The following KCNN2 variants were observed in gnomAD, a reference collection of about 807,000 sequenced individuals.
The protein encoded by KCNN2 is small conductance calcium-activated potassium channel protein 2.
In KCNN2, 24 loss-of-function variants were observed where a neutral mutation model predicts 55.5. The ratio of observed to expected loss-of-function variants is 0.43; its 90% confidence interval spans 0.31 to 0.61. KCNN2 has a LOEUF of 0.61. Among genes scored for constraint, KCNN2 ranks in the 20% least tolerant of loss-of-function variants. The pLI is 0.08. For missense variants in KCNN2, 754 were observed against 853.6 expected, an observed-to-expected ratio of 0.88 and a Z score of 1.45; for synonymous variants, 431 against 336.1, an observed-to-expected ratio of 1.28 and a Z score of -3.09.
At chr5:114,206,822 A>G (rs948266390) in intron 1 of KCNN2, among the ~76,000 whole-genome samples, 20 of 151,350 alleles carry the variant, frequency 1.3e-4, no homozygotes, top group African/African-American at 4.9e-4. Context: ...TCAAGTATTT[A>G]CAAAGGTCTA....
chr5:114,149,066 G>A (rs539597308), intron 1 of KCNN2, among the ~76,000 whole-genome samples: 53 of 152,164 alleles, frequency 3.5e-4, no homozygotes, highest in Non-Finnish European at 5.4e-4. Flanking sequence ...GGGAACCAAG[G>A]ACAATATTTT....
At chr5:114,290,152 T>C (rs1025834253) in intron 2 of KCNN2, among the ~76,000 whole-genome samples, 3 of 152,198 alleles carry the variant, frequency 2.0e-5, no homozygotes, top group Non-Finnish European at 4.4e-5. Context: ...TCTTATTCTG[T>C]TAATTTGGAA....
chr5:114,452,107 G>T (rs1272249437), intron 3 of KCNN2, among the ~76,000 whole-genome samples: 2 of 152,010 alleles, frequency 1.3e-5, no homozygotes, highest in Non-Finnish European at 2.9e-5. Context: ...TGCAAGGAGG[G>T]GACTATGAGA....
chr5:114,473,796 A>C (rs963536345), intron 5 of KCNN2, among the ~76,000 whole-genome samples: 4 of 152,300 alleles, frequency 2.6e-5, no homozygotes, highest in African/African-American at 9.6e-5. Context: ...CTTCATCCTC[A>C]TAACAGCGTT....
At chr5:114,144,536 G>C (rs568420965) in intron 1 of KCNN2, among the ~76,000 whole-genome samples, 1 of 152,082 alleles carries the variant, frequency 6.6e-6, no homozygotes, top group African/African-American at 2.4e-5. Context: ...AACATGGAGA[G>C]AGGGGAAAGA....
At chr5:114,187,594 C>T (rs1226372430) in intron 1 of KCNN2, among the ~76,000 whole-genome samples, 1 of 150,246 alleles carries the variant, frequency 6.7e-6, no homozygotes, top group Non-Finnish European at 1.5e-5. Context: ...CAAGCTCCGC[C>T]TCCCGGGTTC....
intron 2 of KCNN2, among the ~76,000 whole-genome samples, chr5:114,378,418 A>C (rs898250852): frequency 6.6e-6 from 1 of 152,326 alleles, no homozygotes; most frequent in Admixed American, 6.5e-5. Context: ...CTTTGCATCA[A>C]AAGCTGTTTT....
chr5:114,284,783 G>T (rs1278035669), intron 2 of KCNN2, among the ~76,000 whole-genome samples: 2 of 151,854 alleles, frequency 1.3e-5, no homozygotes, highest in African/African-American at 2.4e-5. Context: ...CTCCCAAAGT[G>T]CTAGGATTAC....
intron 1 of KCNN2, among the ~76,000 whole-genome samples, chr5:114,174,777 T>C (rs1753104331): frequency 1.3e-5 from 2 of 152,156 alleles, no homozygotes; most frequent in South Asian, 2.1e-4. Flanking sequence ...TGGATTAAAA[T>C]ATATTCTATC....
Position 114,083,773 on chromosome 5 carries a change from A to G in KCNN2, c.-271+27273A>G, listed in dbSNP as rs1601701. 8.6e-5 allele frequency among the ~76,000 whole-genome samples: 13 copies of G among 151,986 alleles called. No homozygotes were observed. The East Asian group carries it at 1.4e-3, about 16-fold the overall frequency. On this transcript the variant is annotated intron_variant, in intron 1 of 10. Coordinates refer to the KCNN2 transcript ENST00000512097. ...GTTTTGACAAAAGCATAATGTCATT[A>G]ATCCACCCTTACGTTATTACAAATG...
At chr5:114,340,576 A>G (rs915610479) in intron 2 of KCNN2, among the ~76,000 whole-genome samples, 1 of 152,180 alleles carries the variant, frequency 6.6e-6, no homozygotes, top group African/African-American at 2.4e-5. Context: ...AGAACATGAT[A>G]TTTTGACATA....
chr5:114,288,766 C>T (rs564943234), intron 2 of KCNN2, among the ~76,000 whole-genome samples: 3 of 152,080 alleles, frequency 2.0e-5, no homozygotes, highest in Admixed American at 1.3e-4. Flanking sequence ...AGAATAAACC[C>T]TTGTTAGATA....
chr5:114,302,325 A>G (rs1027661496), intron 2 of KCNN2, among the ~76,000 whole-genome samples: 2 of 152,208 alleles, frequency 1.3e-5, no homozygotes, highest in Non-Finnish European at 2.9e-5. Context: ...TACAATGAAC[A>G]TTTATTTGTT....
intron 1 of KCNN2, among the ~76,000 whole-genome samples, chr5:114,202,296 C>A (rs1275979631): frequency 2.0e-5 from 3 of 152,040 alleles, no homozygotes; most frequent in Non-Finnish European, 4.4e-5. Context: ...GTTTCTCTCA[C>A]AGCCGAGATC....
At chr5:114,338,172 G>A (rs1756953547) in intron 2 of KCNN2, among the ~76,000 whole-genome samples, 1 of 152,048 alleles carries the variant, frequency 6.6e-6, no homozygotes, top group East Asian at 1.9e-4. Context: ...TATTTTTCAA[G>A]CCCAATTTGG....
intron 1 of KCNN2, 131 bp downstream of exon 1, chr5:114,363,392 G>C (rs1250689486): frequency 8.4e-7 from 1 of 1,189,298 alleles, no homozygotes; most frequent in Non-Finnish European, 1.1e-6. Flanking sequence ...CCAGGACAGC[G>C]GGCGCGTCTA....
At chr5:114,271,438 C>A (rs751976154) in intron 2 of KCNN2, among the ~76,000 whole-genome samples, 4 of 152,136 alleles carry the variant, frequency 2.6e-5, no homozygotes, top group African/African-American at 4.8e-5. Flanking sequence ...AGCCGGCCAG[C>A]TTCACCTCTC....
intron 2 of KCNN2, among the ~76,000 whole-genome samples, chr5:114,322,189 T>G (rs1166156108): frequency 1.3e-5 from 2 of 152,220 alleles, no homozygotes; most frequent in Non-Finnish European, 2.9e-5. Context: ...ATTTGTAGAA[T>G]CTACTGTAGT....
chr5:114,181,670 C>T (rs150933805), intron 1 of KCNN2, among the ~76,000 whole-genome samples: 244 of 152,008 alleles, frequency 1.6e-3, no homozygotes, highest in Middle Eastern at 3.4e-3. Context: ...ATGTTTGCTT[C>T]GAAATATTTT....
Sources: allele counts gnomAD v4.1 joint callset (sites outside exome capture counted in the v4.1 genomes callset), GRCh38; gene constraint gnomAD v4.1.1; transcripts MANE v1.5; gene names NCBI Gene and HGNC (gene_info 2026-07-23, HGNC 2026-07-21).